Variants in ISCU observed in about 807,000 individuals in gnomAD.
The protein encoded by ISCU is iron-sulfur cluster assembly enzyme.
In ISCU, 13 loss-of-function variants were observed where a neutral mutation model predicts 18.4. That is an observed-to-expected ratio of 0.71 (90% confidence interval 0.46 to 1.12). The LOEUF is 1.12. Ranked by LOEUF, ISCU falls within the 50% of genes most tolerant of loss-of-function variation. The probability of loss-of-function intolerance (pLI) is 0.00; values close to 1 mark genes in which losing one functional copy is unlikely to be tolerated. For missense variants in ISCU, 229 were observed against 208.7 expected (o/e 1.10, Z -0.60); for synonymous variants, 104 against 87.5 (o/e 1.19, Z -1.06).
rs946195918 is a variant in ISCU at position 108,566,929 on chromosome 12, C to T, written c.340-261C>T. Among the ~76,000 whole-genome samples the T allele has an allele frequency of 7.9e-5, 12 of 152,322 alleles. No individual in the cohort carries two copies. The East Asian group carries it at 2.1e-3, about 27-fold the overall frequency. The stretch of plus-strand genomic sequence containing the variant: ...ATCCCTAAGAGACTTCTCACAGGTT[C>T]CACTCCTGACTTAGAGAAGTGTCTG... On this transcript the variant is annotated intron_variant, in intron 3 of 4. Transcript: ENST00000311893.
At chr12:108,568,614 T>A in intron 4 of ISCU, 2 of 1,417,382 alleles carry the variant, frequency 1.4e-6, no homozygotes, top group Non-Finnish European at 1.8e-6. Flanking sequence ...GATCACAGAT[T>A]TTTAACCCTA....
At chr12:108,568,253 T>C (rs1393441213) in intron 4 of ISCU, 1 of 1,185,514 alleles carries the variant, frequency 8.4e-7, no homozygotes, top group East Asian at 4.0e-5. Flanking sequence ...TGCTTTCTGC[T>C]GTCATTCCAG....
At chr12:108,567,738 T>C in intron 4 of ISCU, 1 of 1,535,918 alleles carries the variant, frequency 6.5e-7, no homozygotes, top group Non-Finnish European at 8.7e-7. Flanking sequence ...ACTTCCTGTC[T>C]GGATGGTATT....
intron 1 of ISCU, chr12:108,563,915 C>T: frequency 1.5e-6 from 1 of 680,114 alleles, no homozygotes; most frequent in Non-Finnish European, 2.7e-6. Context: ...AAATAGTAAT[C>T]ATCCTTTGAG....
chr12:108,569,082 T>G lies in ISCU; in HGVS notation c.*166T>G, dbSNP rs2031035640. On this transcript the variant is annotated 3_prime_UTR_variant, in exon 5 of 5. Transcript: ENST00000311893. The stretch of plus-strand genomic sequence containing the variant: ...TCTCATGCAAGCAAAATACACAGTT[T>G]CATTGTTCTGAATCCTGTGGTTTCT... The G allele has an allele frequency of 1.5e-6, 1 of 662,080 alleles. No individual in the cohort carries two copies. The highest frequency in any genetic ancestry group is 2.7e-6 in the Non-Finnish European group (1 of 371,658). The allele number at this position is 662,080 out of a possible 1,614,324, so 41.0% of individuals were successfully genotyped here. A position where few individuals can be genotyped will look rare whatever the true frequency, so the allele number is the denominator to read the frequency against.
chr12:108,567,631 A>C (rs2030961283), intron 4 of ISCU: 2 of 1,530,222 alleles, frequency 1.3e-6, no homozygotes, highest in Non-Finnish European at 1.8e-6. Context: ...GAAGAGCCAG[A>C]ATTTAAGCTC....
upstream of ISCU, among the ~76,000 whole-genome samples, chr12:108,562,324 G>A (rs1565872851): frequency 6.6e-6 from 1 of 151,150 alleles, no homozygotes; most frequent in Non-Finnish European, 1.5e-5. Context: ...CCCGCAGCGG[G>A]ATTTGTGAAA....
At chr12:108,563,950 A>C (rs914966404) in intron 1 of ISCU, 1 of 750,506 alleles carries the variant, frequency 1.3e-6, no homozygotes, top group African/African-American at 1.7e-5. Flanking sequence ...GAAAATAACA[A>C]AACTGCTGTT....
intron 3 of ISCU, among the ~76,000 whole-genome samples, chr12:108,566,784 A>G (rs761242679): frequency 8.5e-5 from 13 of 152,230 alleles, no homozygotes; most frequent in Non-Finnish European, 1.9e-4. Flanking sequence ...CGGCACTTCT[A>G]GTCAAAAGGA....
Position 108,567,286 on chromosome 12 carries a change from A to C in ISCU, c.418+18A>C. On this transcript the variant is annotated intron_variant, in intron 4 of 4. Transcript: ENST00000311893. ...CTGCTCCAGTAAGTCTCTGCTCTCCATACCAGTCAGCTGGGACATTTGGCA... is the reference window on the plus strand; with the variant it reads ...CTGCTCCAGTAAGTCTCTGCTCTCCCTACCAGTCAGCTGGGACATTTGGCA... 6.3e-7 allele frequency: 1 copy of C among 1,595,884 alleles called. No homozygotes were observed. Among genetic ancestry groups the C allele is most frequent in the Non-Finnish European group, 8.6e-7 (1 of 1,163,486 alleles).
intron 1 of ISCU, 87 bp downstream of exon 1, chr12:108,562,823 C>T: frequency 1.4e-6 from 1 of 727,926 alleles, no homozygotes; most frequent in African/African-American, 1.9e-5. Context: ...GCAGCTAGGA[C>T]TGGGAGCTGT....
intron 3 of ISCU, 44 bp from the exon 4 acceptor site, chr12:108,567,146 T>TA (rs1278388192): frequency 3.5e-6 from 5 of 1,419,806 alleles, no homozygotes; most frequent in Non-Finnish European, 5.0e-6. Flanking sequence ...CCTCACAAGA[T>TA]AAAGTGTTGC....
At chr12:108,561,978 T>C (rs762778447), upstream of ISCU, among the ~76,000 whole-genome samples, 4 of 152,230 alleles carry the variant, frequency 2.6e-5, no homozygotes, top group Admixed American at 1.3e-4. Flanking sequence ...GAATTATGTC[T>C]GTTTTGCTTT....
In ISCU at chr12:108,567,724, C is replaced by T. The variant is rs1214407981; in HGVS notation, c.418+456C>T. On this transcript the variant is annotated intron_variant, in intron 4 of 4. Coordinates refer to ENST00000311893, the MANE Select transcript of ISCU (RefSeq NM_213595.4). Reference sequence around the variant, plus strand: ...CCATAATCCTGTTTCCTGTGTATTTCTTCACTTCCTGTCTGGATGGTATTC... The same window carrying T: ...CCATAATCCTGTTTCCTGTGTATTTTTTCACTTCCTGTCTGGATGGTATTC... 6 of 1,535,786 alleles carry T rather than the reference C, an allele frequency of 3.9e-6. 1 individual carries two copies. The South Asian group carries it at 5.9e-5, about 15-fold the overall frequency.
intron 2 of ISCU, among the ~76,000 whole-genome samples, chr12:108,564,652 A>G (rs1243066219): frequency 6.6e-6 from 1 of 152,240 alleles, no homozygotes; most frequent in Non-Finnish European, 1.5e-5. Flanking sequence ...TCACTGTATC[A>G]GTTTAAATTC....
At chr12:108,564,449 C>G (rs2030794455) in intron 2 of ISCU, 57 bp downstream of exon 2, 5 of 1,198,384 alleles carry the variant, frequency 4.2e-6, no homozygotes, top group Admixed American at 3.5e-5. Flanking sequence ...TTACAAAGCA[C>G]TTGCGCATTT....
At chr12:108,566,875 A>G (rs1169303956) in intron 3 of ISCU, among the ~76,000 whole-genome samples, 1 of 152,226 alleles carries the variant, frequency 6.6e-6, no homozygotes, top group Non-Finnish European at 1.5e-5. Context: ...CCTTTTAAGG[A>G]AGAGATTCCT....
intron 4 of ISCU, chr12:108,567,978 T>G: frequency 6.6e-7 from 1 of 1,518,284 alleles, no homozygotes. Context: ...ACTAACCAAA[T>G]TAGTTAAAAA....
chr12:108,562,812 C>A (rs912315741), intron 1 of ISCU, 76 bp downstream of exon 1: 3 of 829,092 alleles, frequency 3.6e-6, no homozygotes, highest in African/African-American at 3.6e-5. Flanking sequence ...CGGGGTTCTG[C>A]GCAGCTAGGA....
Sources: allele counts gnomAD v4.1 joint callset (sites outside exome capture counted in the v4.1 genomes callset), GRCh38; gene constraint gnomAD v4.1.1; transcripts MANE v1.5; gene names NCBI Gene and HGNC (gene_info 2026-07-23, HGNC 2026-07-21).